The following PPP4R2 variants were observed in gnomAD, a reference collection of about 807,000 sequenced individuals.
PPP4R2 encodes the protein serine/threonine-protein phosphatase 4 regulatory subunit 2.
Under a neutral mutation model 47.2 loss-of-function variants are expected in PPP4R2, and 13 were observed. That is an observed-to-expected ratio of 0.28 (90% CI 0.18 to 0.44). The LOEUF (loss-of-function observed/expected upper bound fraction) is 0.44. PPP4R2 is among the 20% of genes least tolerant of loss of function. The pLI, the probability that PPP4R2 is intolerant of heterozygous loss-of-function variation, is 1.00. For synonymous variants in PPP4R2, 151 were observed against 163.3 expected (o/e 0.92, Z 0.57); for missense variants, 421 against 491.2 (o/e 0.86, Z 1.35).
In PPP4R2 at chr3:72,996,966, G is replaced by A. The variant is rs1241038682; in HGVS notation, c.-72G>A. The stretch of plus-strand genomic sequence containing the variant: ...GAGGGAGGGGGAGGGCGTCGGGGGG[G>A]TGGGGGGAGGCGTTCCGGTCCCCAA... On this transcript the variant is annotated 5_prime_UTR_variant, in exon 1 of 9. In the 5' UTR this introduces an upstream ATG that the reference lacks. Transcript: ENST00000356692. 4 of 1,192,828 alleles carry A rather than the reference G, an allele frequency of 3.4e-6. No individual in the cohort carries two copies. Among genetic ancestry groups the A allele is most frequent in the Non-Finnish European group, 4.4e-6 (4 of 914,406 alleles). The allele number at this position is 1,192,828 out of a possible 1,614,324, so 73.9% of individuals were successfully genotyped here. A position where few individuals can be genotyped will look rare whatever the true frequency, so the allele number is the denominator to read the frequency against.
intron 2 of PPP4R2, among the ~76,000 whole-genome samples, chr3:73,026,259 G>A (rs17743692): frequency 0.33 from 50,349 of 151,852 alleles, 8,899 homozygotes; most frequent in Non-Finnish European, 0.41. Flanking sequence ...TAGTAAATTC[G>A]TACTGCCTCG....
intron 2 of PPP4R2, among the ~76,000 whole-genome samples, chr3:73,017,352 C>T (rs1701863219): frequency 1.9e-5 from 2 of 106,730 alleles, no homozygotes; most frequent in Non-Finnish European, 4.0e-5. Flanking sequence ...TAAATTCTGC[C>T]TGTTGTAGCC....
chr3:73,040,499 A>AT (rs11342756), intron 2 of PPP4R2, among the ~76,000 whole-genome samples: 2,313 of 117,582 alleles, frequency 0.02, 39 homozygotes, highest in Non-Finnish European at 0.027. Context: ...ATGTGACCTA[A>AT]TTTTTTTTTT....
chr3:73,012,754 G>A (rs544922310), intron 2 of PPP4R2, among the ~76,000 whole-genome samples: 2 of 152,276 alleles, frequency 1.3e-5, no homozygotes, highest in Non-Finnish European at 2.9e-5. Context: ...GTTGTCTATG[G>A]TGATTTCCAG....
At chr3:73,007,502 G>C (rs1015589497) in intron 2 of PPP4R2, among the ~76,000 whole-genome samples, 2 of 150,988 alleles carry the variant, frequency 1.3e-5, no homozygotes, top group Admixed American at 6.6e-5. Context: ...TTGTGAGACA[G>C]AGTCTCACTC....
chr3:73,030,131 A>G (rs1167796386), intron 2 of PPP4R2, among the ~76,000 whole-genome samples: 1 of 152,238 alleles, frequency 6.6e-6, no homozygotes, highest in Non-Finnish European at 1.5e-5. Context: ...ATATCAGTGT[A>G]TTTATATTTG....
In PPP4R2 at chr3:73,047,292, G is replaced by A. The variant is rs749828092; in HGVS notation, c.223G>A (p.Val75Ile). The change falls in exon 3 of 9, where the codon GTC becomes ATC. Residue 75 changes from valine (V) to isoleucine (I), a missense_variant. Coordinates refer to ENST00000356692, the MANE Select transcript of PPP4R2 (RefSeq NM_174907.4). The part of the protein sequence containing the change: ...PEPRGPPNPN[V>I]EYIPFDEMKE... ...GCCAAGAGGTCCTCCCAACCCTAAT[G>A]TCGAATATATTCCCTTTGATGAAAT... is the stretch of plus-strand genomic sequence containing the variant. 2 of 1,612,418 alleles carry A rather than the reference G, an allele frequency of 1.2e-6. No individual in the cohort carries two copies. The highest frequency in any genetic ancestry group is 2.7e-5 in the African/African-American group (2 of 74,874).
intron 5 of PPP4R2, chr3:73,061,715 T>C (rs1468955276): frequency 4.8e-6 from 1 of 206,402 alleles, no homozygotes; most frequent in Non-Finnish European, 9.7e-6. Flanking sequence ...AAGGTTAATC[T>C]GGCTCTGCTT....
intron 2 of PPP4R2, among the ~76,000 whole-genome samples, chr3:73,001,702 G>C (rs1239031235): frequency 3.3e-5 from 5 of 151,942 alleles, no homozygotes; most frequent in African/African-American, 1.2e-4. Context: ...GTAGTGGCGC[G>C]ATCTCGGCTC....
At chr3:73,034,338 T>C (rs1270378464) in intron 2 of PPP4R2, among the ~76,000 whole-genome samples, 1 of 152,168 alleles carries the variant, frequency 6.6e-6, no homozygotes, top group Non-Finnish European at 1.5e-5. Flanking sequence ...ATCTATAGTT[T>C]TTGTGTGTGT....
Position 73,036,109 on chromosome 3 carries a change from C to T in PPP4R2, c.117-11077C>T, listed in dbSNP as rs908137005. On this transcript the variant is annotated intron_variant, in intron 2 of 8. Transcript: ENST00000356692. The stretch of plus-strand genomic sequence containing the variant: ...ATCCTTTGCACCAATGTGGATGGAA[C>T]TGGAGGTCATTATGTTAAGTGAAAT... Among the ~76,000 whole-genome samples, 8 of 152,194 alleles carry T rather than the reference C, an allele frequency of 5.3e-5. No individual in the cohort carries two copies. In the South Asian group the frequency reaches 8.3e-4, roughly 16 times the overall value.
At chr3:73,014,834 T>C in intron 2 of PPP4R2, 2 of 423,182 alleles carry the variant, frequency 4.7e-6, no homozygotes. Context: ...AAATCTAGCA[T>C]TGCTTTATCA....
chr3:73,028,482 G>C (rs1363334120), intron 2 of PPP4R2, among the ~76,000 whole-genome samples: 3 of 151,976 alleles, frequency 2.0e-5, no homozygotes, highest in Admixed American at 2.0e-4. Flanking sequence ...TTTTGAGATG[G>C]AGTCTCGCTC....
rs1703024309 is a variant in PPP4R2 at position 73,067,508 on chromosome 3, T to G, written c.*1786T>G. On this transcript the variant is annotated 3_prime_UTR_variant, in exon 9 of 9. Coordinates refer to ENST00000356692, the MANE Select transcript of PPP4R2 (RefSeq NM_174907.4). ...TCTAATAGTTGAAATAAAATCTGAA[T>G]ATTGATTTACTATACCCAAGAGGGG... The G allele has an allele frequency of 1.3e-5, 2 of 152,168 alleles. No individual in the cohort carries two copies. Among genetic ancestry groups the G allele is most frequent in the Non-Finnish European group, 2.9e-5 (2 of 67,980 alleles). 9.4% of individuals were successfully genotyped at this position (152,168 alleles called of 1,614,324 possible). A position where few individuals can be genotyped will look rare whatever the true frequency, so the allele number is the denominator to read the frequency against.
chr3:73,004,838 G>T (rs1701560559), intron 2 of PPP4R2, among the ~76,000 whole-genome samples: 1 of 140,522 alleles, frequency 7.1e-6, no homozygotes, highest in African/African-American at 2.8e-5. Flanking sequence ...TTAAAATACA[G>T]TGTGGGGTGT....
At chr3:73,032,286 TTTC>T (rs1176869340) in intron 2 of PPP4R2, among the ~76,000 whole-genome samples, 1 of 147,146 alleles carries the variant, frequency 6.8e-6, no homozygotes, top group Non-Finnish European at 1.5e-5. Context: ...TTTAAAATTA[TTTC>T]TTTTTTTTTT....
At chr3:73,061,684 C>G (rs988097413) in intron 5 of PPP4R2, 9 of 182,416 alleles carry the variant, frequency 4.9e-5, no homozygotes, top group Non-Finnish European at 1.0e-4. Flanking sequence ...GAGGTTGTCC[C>G]CTGCTGAGAA....
At chr3:73,033,469 T>A (rs1702206249) in intron 2 of PPP4R2, among the ~76,000 whole-genome samples, 1 of 152,238 alleles carries the variant, frequency 6.6e-6, no homozygotes, top group Admixed American at 6.5e-5. Context: ...GTTCTCTTAA[T>A]TTGAAAACTA....
chr3:73,031,240 TATTTC>T (rs1309777725), intron 2 of PPP4R2, among the ~76,000 whole-genome samples: 2 of 152,262 alleles, frequency 1.3e-5, no homozygotes, highest in African/African-American at 4.8e-5. Context: ...TTAGTTGACA[TATTTC>T]ATTTATTTTT....
Sources: allele counts gnomAD v4.1 joint callset (sites outside exome capture counted in the v4.1 genomes callset), GRCh38; gene constraint gnomAD v4.1.1; transcripts MANE v1.5; gene names NCBI Gene and HGNC (gene_info 2026-07-23, HGNC 2026-07-21).